Variants in ARSF observed in about 807,000 individuals in gnomAD.
ARSF encodes the protein arylsulfatase F.
ARSF carries 33 observed loss-of-function variants against 35.4 expected under a neutral mutation model. The observed-to-expected ratio is 0.93, with a 90% CI of 0.71 to 1.25. The LOEUF is 1.25. Ranked by LOEUF, ARSF falls within the 50% of genes most tolerant of loss-of-function variation. The pLI is 0.00. For synonymous variants in ARSF, 222 were observed against 193.1 expected, an observed-to-expected ratio of 1.15 and a Z score of -1.24; for missense variants, 501 against 480.2, an observed-to-expected ratio of 1.04 and a Z score of -0.40.
chrX:3,058,782 G>T (rs908734669), intron 1 of ARSF, among the ~76,000 whole-genome samples: 1 of 111,677 alleles, frequency 9.0e-6, no homozygotes, highest in African/African-American at 3.3e-5. Flanking sequence ...GATCTTTCGA[G>T]CTTAGGAGGC....
intron 1 of ARSF, among the ~76,000 whole-genome samples, chrX:3,062,301 C>T (rs2090045353): frequency 8.9e-6 from 1 of 111,985 alleles, no homozygotes; most frequent in Non-Finnish European, 1.9e-5. Flanking sequence ...ACATTTAAAA[C>T]AGTGTGTAGA....
At chrX:3,065,435 A>AAAATAAAT (rs769293147) in intron 1 of ARSF, among the ~76,000 whole-genome samples, 11 of 107,966 alleles carry the variant, frequency 1.0e-4, no homozygotes, top group East Asian at 2.9e-4. Flanking sequence ...AAGTATAATA[A>AAAATAAAT]AAATAAATAA....
intron 8 of ARSF, 21 bp from the exon 9 acceptor site, chrX:3,103,741 C>T: frequency 8.3e-7 from 1 of 1,207,337 alleles, no homozygotes; most frequent in Non-Finnish European, 1.1e-6. Flanking sequence ...AATAATTGAA[C>T]TTAATTGCAT....
chrX:3,067,715 C>T (rs1569134777), intron 1 of ARSF, among the ~76,000 whole-genome samples: 2 of 110,205 alleles, frequency 1.8e-5, no homozygotes, highest in Non-Finnish European at 3.8e-5. Context: ...AAGAATTAGC[C>T]GGGCGTGGTG....
In ARSF at chrX:3,076,509, T is replaced by C. The variant is rs73441504; in HGVS notation, c.162-39T>C. The C allele has an allele frequency of 2.9e-3, 3,403 of 1,157,757 alleles. 68 individuals carry two copies. The African/African-American group carries it at 0.053, about 18-fold the overall frequency. On this transcript the variant is annotated intron_variant, in intron 3 of 10. Transcript: ENST00000381127. Reference sequence around the variant, plus strand: ...TCTCTGCTTCCCCCGCCCCCCACCTTTTCCTTCTCTCCAATACACCTTCCC... The same window carrying C: ...TCTCTGCTTCCCCCGCCCCCCACCTCTTCCTTCTCTCCAATACACCTTCCC...
intron 9 of ARSF, among the ~76,000 whole-genome samples, chrX:3,109,698 CTGTT>C (rs1450236701): frequency 8.9e-6 from 1 of 111,733 alleles, no homozygotes; most frequent in African/African-American, 3.2e-5. Flanking sequence ...GATTGGTTTT[CTGTT>C]TGTGCGTTCA....
At chrX:3,060,641 C>T (rs2090038028) in intron 1 of ARSF, among the ~76,000 whole-genome samples, 1 of 111,728 alleles carries the variant, frequency 9.0e-6, no homozygotes, top group Admixed American at 9.6e-5. Context: ...AGCTGAAAAC[C>T]ACAGCATAAG....
intron 1 of ARSF, among the ~76,000 whole-genome samples, chrX:3,065,985 G>A (rs2090064315): frequency 9.0e-6 from 1 of 111,245 alleles, no homozygotes; most frequent in South Asian, 3.8e-4. Flanking sequence ...AGCTATTCGG[G>A]AGGCTGAAGC....
In ARSF at chrX:3,048,568, C is replaced by T. The variant is rs749707528; in HGVS notation, c.-29+6905C>T. On this transcript the variant is annotated intron_variant, in intron 1 of 10. Coordinates refer to ENST00000381127, the MANE Select transcript of ARSF (RefSeq NM_001201539.2). ...TCTACTTCTAATCTGAAAGCTCCCA[C>T]TTCAAGTTGTCCTGAATTACTGAAC... is the stretch of plus-strand genomic sequence containing the variant. Among the ~76,000 whole-genome samples the T allele has an allele frequency of 4.4e-5, 5 of 112,401 alleles. No individual in the cohort carries two copies. The South Asian group carries it at 1.9e-3, about 42-fold the overall frequency.
rs141934424 is a variant in ARSF, at chrX:3,093,794, G to C, written c.967+4162G>C. Reference sequence around the variant, plus strand: ...GGGTCAGAGGGTAGTTCTGTTTTAAGTTATCTGAGAAATCTCCAAAGTGCT... The same window carrying C: ...GGGTCAGAGGGTAGTTCTGTTTTAACTTATCTGAGAAATCTCCAAAGTGCT... On this transcript the variant is annotated intron_variant, in intron 7 of 10. Coordinates refer to ENST00000381127, the MANE Select transcript of ARSF (RefSeq NM_001201539.2). 3.5e-3 allele frequency among the ~76,000 whole-genome samples: 394 copies of C among 111,891 alleles called. 1 individual carries two copies. The highest frequency in any genetic ancestry group is 0.012 in the African/African-American group (371 of 30,814).
chrX:3,100,965 T>C, intron 7 of ARSF, 122 bp from the exon 8 acceptor site: 1 of 624,503 alleles, frequency 1.6e-6, no homozygotes, highest in Non-Finnish European at 2.4e-6. Context: ...TTTTCTTTTG[T>C]GGCTTTTGAC....
At chrX:3,058,185 C>T (rs1290633815) in intron 1 of ARSF, 2 of 112,599 alleles carry the variant, frequency 1.8e-5, no homozygotes, top group Non-Finnish European at 3.7e-5. Context: ...CTAAGTGTGG[C>T]TATGTTACTG....
At chrX:3,110,053 G>C in intron 9 of ARSF, 75 bp from the exon 10 acceptor site, 9 of 1,032,441 alleles carry the variant, frequency 8.7e-6, no homozygotes, top group Admixed American at 3.2e-5. Context: ...TCTTCACCAA[G>C]TACCCTTCAG....
At chrX:3,084,792 A>G in intron 6 of ARSF, 126 bp downstream of exon 6, 1 of 675,115 alleles carries the variant, frequency 1.5e-6, no homozygotes, top group African/African-American at 2.2e-5. Context: ...TAGCTAAAAG[A>G]GAATAAGTCA....
intron 1 of ARSF, among the ~76,000 whole-genome samples, chrX:3,065,290 G>T (rs1463461171): frequency 6.7e-5 from 7 of 103,814 alleles, no homozygotes; most frequent in Non-Finnish European, 1.2e-4. Context: ...GTTGTGGGGT[G>T]GGGGGTTGGG....
intron 7 of ARSF, among the ~76,000 whole-genome samples, chrX:3,093,528 T>C (rs1364341164): frequency 8.9e-6 from 1 of 111,919 alleles, no homozygotes; most frequent in Non-Finnish European, 1.9e-5. Flanking sequence ...TCTTTTTCTG[T>C]GTTAATTTGC....
intron 4 of ARSF, among the ~76,000 whole-genome samples, chrX:3,079,709 C>A (rs1205529492): frequency 9.2e-6 from 1 of 108,653 alleles, no homozygotes; most frequent in Non-Finnish European, 1.9e-5. Context: ...CCTGTAATCC[C>A]AGCACTTTGG....
chrX:3,041,453 C>T (rs1378720097), upstream of ARSF: 1 of 109,285 alleles, frequency 9.2e-6, no homozygotes, highest in African/African-American at 3.3e-5. Context: ...ACCACGTCTA[C>T]GTAATTTTTG....
At chrX:3,101,242 A>C in intron 8 of ARSF, 21 bp downstream of exon 8, 3 of 1,201,899 alleles carry the variant, frequency 2.5e-6, no homozygotes, top group Non-Finnish European at 3.4e-6. Context: ...GAACTCATGC[A>C]AGTGATCTGG....
Sources: gnomAD v4.1 joint callset for allele counts (sites outside exome capture counted in the v4.1 genomes callset) on GRCh38, gnomAD v4.1.1 for gene constraint, MANE v1.5 for transcripts, NCBI Gene and HGNC (gene_info 2026-07-23, HGNC 2026-07-21) for gene names.